Variants in CNTN5 observed in about 807,000 individuals in gnomAD.
CNTN5 encodes contactin 5, also known as contactin-5.
Under a neutral mutation model 129.1 loss-of-function variants are expected in CNTN5, and 77 were observed. The ratio of observed to expected loss-of-function variants is 0.60; its 90% CI spans 0.50 to 0.72. The LOEUF (loss-of-function observed/expected upper bound fraction) is 0.72. Ranked by LOEUF, CNTN5 falls within the 30% of genes least tolerant of loss-of-function variation. The pLI, the probability that CNTN5 is intolerant of heterozygous loss-of-function variation, is 0.00. For synonymous variants in CNTN5, 509 were observed against 465.6 expected (o/e 1.09, Z -1.20); for missense variants, 1,478 against 1,328.8 (o/e 1.11, Z -1.75).
rs71050037 is a variant in CNTN5, at chr11:99,968,656, CTTTTTTTTTTTTT to C, written c.877+11665_877+11677del. Among the ~76,000 whole-genome samples, 548 of 73,922 alleles carry C rather than the reference CTTTTTTTTTTTTT, an allele frequency of 7.4e-3. 4 individuals are homozygous for C. The highest frequency in any genetic ancestry group is 0.024 in the African/African-American group (498 of 20,728). The allele number at this position is 73,922 out of a possible 152,430, so 48.5% of individuals were successfully genotyped here. On this transcript the variant is annotated intron_variant, in intron 8 of 24. Transcript: ENST00000524871. ...ATGGTAATTGGAATAGCTTTGGGTACTTTTTTTTTTTTTTTTTTTTTTTTTTTTTTGTATTTCC... is the reference window on the plus strand; with the variant it reads ...ATGGTAATTGGAATAGCTTTGGGTACTTTTTTTTTTTTTTTTTGTATTTCC...
chr11:99,578,241 G>A (rs994125229), intron 3 of CNTN5, among the ~76,000 whole-genome samples: 18 of 151,844 alleles, frequency 1.2e-4, no homozygotes, highest in African/African-American at 4.4e-4. Flanking sequence ...TTGGACATTT[G>A]GCTTGGTTCC....
Position 99,688,218 on chromosome 11 carries a change from A to C in CNTN5, c.56-131326A>C, listed in dbSNP as rs117107702. Among the ~76,000 whole-genome samples, 367 of 152,284 alleles carry C rather than the reference A, an allele frequency of 2.4e-3. 14 individuals are homozygous for C. In the East Asian group the frequency reaches 0.063, roughly 26 times the overall value. Reference sequence around the variant, plus strand: ...ATCTGAAATAAATGTATTTAGTTTTAATAAATGCAGACAGCATCTTGCTAT... The same window carrying C: ...ATCTGAAATAAATGTATTTAGTTTTCATAAATGCAGACAGCATCTTGCTAT... On this transcript the variant is annotated intron_variant, in intron 3 of 24. Coordinates refer to ENST00000524871, the MANE Select transcript of CNTN5 (RefSeq NM_014361.4).
chr11:100,255,714 T>C, intron 16 of CNTN5, 46 bp from the exon 17 acceptor site: 3 of 1,539,960 alleles, frequency 1.9e-6, no homozygotes, highest in South Asian at 1.1e-5. Context: ...TCATGGCTCC[T>C]GATAATAATT....
chr11:99,226,231 G>A (rs1274416586), intron 1 of CNTN5, among the ~76,000 whole-genome samples: 1 of 152,174 alleles, frequency 6.6e-6, no homozygotes, highest in Non-Finnish European at 1.5e-5. Flanking sequence ...AGTCTTAAAT[G>A]TGAAATGTAA....
intron 2 of CNTN5, among the ~76,000 whole-genome samples, chr11:99,521,169 T>C (rs1947261920): frequency 6.6e-6 from 1 of 152,086 alleles, no homozygotes; most frequent in Admixed American, 6.6e-5. Context: ...TCCTCCTCCT[T>C]CTGTCAACTA....
At chr11:100,176,618 T>G (rs1947974113) in intron 13 of CNTN5, among the ~76,000 whole-genome samples, 2 of 151,978 alleles carry the variant, frequency 1.3e-5, no homozygotes. Context: ...ATTTGAGCAG[T>G]GATAAATAGT....
intron 2 of CNTN5, among the ~76,000 whole-genome samples, chr11:99,412,900 G>A (rs1181634431): frequency 6.6e-6 from 1 of 152,050 alleles, no homozygotes; most frequent in Non-Finnish European, 1.5e-5. Flanking sequence ...ATCAGAGCAG[G>A]GTGAATATAA....
chr11:99,592,807 G>A (rs1301265154), intron 3 of CNTN5, among the ~76,000 whole-genome samples: 1 of 152,180 alleles, frequency 6.6e-6, no homozygotes, highest in African/African-American at 2.4e-5. Flanking sequence ...TGTAGGAGGT[G>A]AGTGGGAAGA....
At chr11:99,655,239 C>T (rs780730961) in intron 3 of CNTN5, among the ~76,000 whole-genome samples, 1 of 152,054 alleles carries the variant, frequency 6.6e-6, no homozygotes, top group Non-Finnish European at 1.5e-5. Flanking sequence ...AACAGTCTTA[C>T]AAGCCTAATG....
intron 3 of CNTN5, among the ~76,000 whole-genome samples, chr11:99,725,603 T>G (rs941954309): frequency 6.6e-6 from 1 of 152,214 alleles, no homozygotes; most frequent in Non-Finnish European, 1.5e-5. Context: ...AAGGAATATG[T>G]GTGTTAAAAA....
intron 21 of CNTN5, among the ~76,000 whole-genome samples, chr11:100,323,141 A>C (rs1476663202): frequency 6.6e-6 from 1 of 152,208 alleles, no homozygotes; most frequent in Non-Finnish European, 1.5e-5. Flanking sequence ...AAAAAAGCAT[A>C]CCTAATGTAA....
intron 3 of CNTN5, among the ~76,000 whole-genome samples, chr11:99,557,105 G>A (rs891972300): frequency 6.6e-6 from 1 of 151,116 alleles, no homozygotes; most frequent in Non-Finnish European, 1.5e-5. Flanking sequence ...TGTAACAGCT[G>A]ATAATTTTAG....
At chr11:99,484,103 A>C (rs1346088489) in intron 2 of CNTN5, among the ~76,000 whole-genome samples, 1 of 152,202 alleles carries the variant, frequency 6.6e-6, no homozygotes, top group Non-Finnish European at 1.5e-5. Context: ...GAAACGGTCA[A>C]TAGAATGAAA....
At chr11:99,069,033 A>G (rs899913416) in intron 1 of CNTN5, among the ~76,000 whole-genome samples, 2 of 152,000 alleles carry the variant, frequency 1.3e-5, no homozygotes, top group East Asian at 3.9e-4. Context: ...GTTGGCGATG[A>G]CTCATCCTTA....
chr11:99,138,541 G>A (rs1859352416), intron 1 of CNTN5, among the ~76,000 whole-genome samples: 1 of 152,086 alleles, frequency 6.6e-6, no homozygotes. Flanking sequence ...ATGCATTATA[G>A]GATGTTATGA....
At chr11:100,083,073 T>C (rs1448827750) in intron 13 of CNTN5, among the ~76,000 whole-genome samples, 1 of 152,004 alleles carries the variant, frequency 6.6e-6, no homozygotes, top group Non-Finnish European at 1.5e-5. Flanking sequence ...CCCAGCATTT[T>C]GGGAGGCTGA....
chr11:100,271,767 C>G (rs1950412268), intron 18 of CNTN5, among the ~76,000 whole-genome samples: 1 of 152,178 alleles, frequency 6.6e-6, no homozygotes, highest in Non-Finnish European at 1.5e-5. Flanking sequence ...TGCTCCTTGA[C>G]TTTGAAAACA....
chr11:100,215,705 G>A (rs1949125266), intron 15 of CNTN5, among the ~76,000 whole-genome samples: 1 of 152,142 alleles, frequency 6.6e-6, no homozygotes, highest in African/African-American at 2.4e-5. Context: ...AAGAGAAGCT[G>A]GGGATATTAA....
At chr11:100,001,940 C>G (rs1939900323) in intron 8 of CNTN5, 94 bp from the exon 9 acceptor site, 1 of 898,772 alleles carries the variant, frequency 1.1e-6, no homozygotes, top group South Asian at 1.7e-5. Flanking sequence ...ACATTAACAA[C>G]CAAACCACAG....
Sources: gnomAD v4.1 joint callset for allele counts (sites outside exome capture counted in the v4.1 genomes callset) on GRCh38, gnomAD v4.1.1 for gene constraint, MANE v1.5 for transcripts, NCBI Gene and HGNC (gene_info 2026-07-23, HGNC 2026-07-21) for gene names.